The following WWOX variants were observed in gnomAD, a reference collection of about 807,000 sequenced individuals.
WWOX encodes WW domain-containing oxidoreductase.
WWOX carries 69 observed loss-of-function variants against 46.2 expected under a neutral mutation model. That is an observed-to-expected ratio of 1.49 (90% CI 1.23 to 1.82). The LOEUF is 1.82. WWOX is among the 40% of genes most tolerant of loss of function. WWOX has a pLI of 0.00. For synonymous variants in WWOX, 359 were observed against 202.6 expected, an observed-to-expected ratio of 1.77 and a Z score of -6.56; for missense variants, 919 against 542.6, an observed-to-expected ratio of 1.69 and a Z score of -6.89.
intron 5 of WWOX, among the ~76,000 whole-genome samples, chr16:78,314,300 G>A (rs996841117): frequency 6.6e-6 from 1 of 151,090 alleles, no homozygotes; most frequent in African/African-American, 2.4e-5. Flanking sequence ...CAGCTACTCG[G>A]GAGGCTGAGG....
At position 78,295,090 on chromosome 16, in the gene WWOX, G is replaced by T. The variant is rs545500411; in HGVS notation, c.517-91770G>T. On this transcript the variant is annotated intron_variant, in intron 5 of 8. Transcript: ENST00000566780. ...TGTGGGGCCGCTGTAGGAGGATGGT[G>T]GTTAAATCTTGGAGGAAATCCAGGA... 2.0e-5 allele frequency among the ~76,000 whole-genome samples: 3 copies of T among 152,234 alleles called. No individual in the cohort carries two copies. The South Asian group carries it at 6.2e-4, about 32-fold the overall frequency.
chr16:78,835,210 T>C (rs2051945917), intron 8 of WWOX, among the ~76,000 whole-genome samples: 1 of 152,190 alleles, frequency 6.6e-6, no homozygotes, highest in South Asian at 2.1e-4. Flanking sequence ...GTGGCCTTCT[T>C]ACCACCTAGA....
chr16:78,100,091 G>C, intron 1 of WWOX: 1 of 1,381,350 alleles, frequency 7.2e-7, no homozygotes, highest in Non-Finnish European at 9.4e-7. Context: ...GGGGTCACCT[G>C]GTGGCTTCCC....
At chr16:78,434,953 T>C (rs1229823343) in intron 8 of WWOX, among the ~76,000 whole-genome samples, 4 of 152,210 alleles carry the variant, frequency 2.6e-5, no homozygotes, top group African/African-American at 9.6e-5. Flanking sequence ...AACATTTTTA[T>C]TTATTGGAGA....
intron 8 of WWOX, among the ~76,000 whole-genome samples, chr16:79,187,396 T>TG (rs951572267): frequency 1.3e-5 from 2 of 152,208 alleles, no homozygotes; most frequent in African/African-American, 4.8e-5. Context: ...TCCTTTCACT[T>TG]GCTTTTGTTC....
intron 8 of WWOX, among the ~76,000 whole-genome samples, chr16:78,764,942 T>A (rs1252915207): frequency 6.6e-6 from 1 of 152,308 alleles, no homozygotes; most frequent in Admixed American, 6.5e-5. Flanking sequence ...CTTTAGGGCA[T>A]ACACATCTGC....
intron 8 of WWOX, among the ~76,000 whole-genome samples, chr16:78,643,306 A>G (rs2046764247): frequency 1.3e-5 from 2 of 152,202 alleles, no homozygotes; most frequent in Admixed American, 1.3e-4. Flanking sequence ...GGCTAACGAA[A>G]ACAACAAAAT....
chr16:78,334,818 A>ACGCG (rs1316674203), intron 5 of WWOX, among the ~76,000 whole-genome samples: 1 of 82,646 alleles, frequency 1.2e-5, no homozygotes, highest in Non-Finnish European at 2.7e-5. Flanking sequence ...GCACACACAC[A>ACGCG]CACACACACA....
intron 5 of WWOX, chr16:78,270,050 C>G (rs2079444814): frequency 6.6e-6 from 1 of 151,048 alleles, no homozygotes; most frequent in African/African-American, 2.4e-5. Context: ...TCATATCTAA[C>G]TTTTGATCTC....
intron 6 of WWOX, among the ~76,000 whole-genome samples, chr16:78,422,308 G>GT (rs1310906410): frequency 6.6e-6 from 1 of 151,632 alleles, no homozygotes; most frequent in Non-Finnish European, 1.5e-5. Flanking sequence ...GCATGCCAAT[G>GT]TTTGTTTTTT....
intron 8 of WWOX, among the ~76,000 whole-genome samples, chr16:79,071,281 C>G (rs1334483813): frequency 2.0e-5 from 3 of 152,208 alleles, no homozygotes; most frequent in African/African-American, 7.2e-5. Flanking sequence ...GACAACCTGA[C>G]AATGACTTTT....
chr16:78,479,241 C>G (rs905845128), intron 8 of WWOX, among the ~76,000 whole-genome samples: 2 of 152,150 alleles, frequency 1.3e-5, no homozygotes, highest in Non-Finnish European at 2.9e-5. Context: ...TACTATGTGT[C>G]TGGCACCACT....
intron 8 of WWOX, among the ~76,000 whole-genome samples, chr16:78,670,186 C>A (rs2047426413): frequency 6.6e-6 from 1 of 152,148 alleles, no homozygotes; most frequent in South Asian, 2.1e-4. Flanking sequence ...CTTTCACCAG[C>A]AGGTCCAGCT....
chr16:78,908,976 C>A (rs141734981), intron 8 of WWOX, among the ~76,000 whole-genome samples: 1 of 152,168 alleles, frequency 6.6e-6, no homozygotes, highest in Admixed American at 6.5e-5. Flanking sequence ...GTTAGTCCTG[C>A]AAAGGCAGTC....
At position 78,199,450 on chromosome 16, in the gene WWOX, C is replaced by A. The variant is rs9936487; in HGVS notation, c.516+35161C>A. On this transcript the variant is annotated intron_variant, in intron 5 of 8. Coordinates refer to ENST00000566780, the MANE Select transcript of WWOX (RefSeq NM_016373.4). ...CTAGGGCCATCTAGAAATTTCTAAC[C>A]CAAGGGTCAACTAATCTTTCCCTGT... is the stretch of plus-strand genomic sequence containing the variant. Among the ~76,000 whole-genome samples, 8 of 152,218 alleles carry A rather than the reference C, an allele frequency of 5.3e-5. No individual in the cohort carries two copies. The South Asian group carries it at 1.7e-3, about 32-fold the overall frequency.
intron 5 of WWOX, among the ~76,000 whole-genome samples, chr16:78,281,947 T>C (rs1398929845): frequency 6.6e-6 from 1 of 152,166 alleles, no homozygotes; most frequent in Non-Finnish European, 1.5e-5. Flanking sequence ...TCTCTCCAAA[T>C]GGGGCTGCCA....
chr16:79,118,046 C>G (rs928879256), intron 8 of WWOX, among the ~76,000 whole-genome samples: 4 of 152,224 alleles, frequency 2.6e-5, no homozygotes, highest in Non-Finnish European at 4.4e-5. Context: ...CACAACTTGC[C>G]TGTTTGGCAC....
intron 5 of WWOX, among the ~76,000 whole-genome samples, chr16:78,320,485 T>G (rs1360727567): frequency 1.3e-5 from 2 of 152,202 alleles, no homozygotes; most frequent in African/African-American, 4.8e-5. Flanking sequence ...TTTGGTTAAT[T>G]CATACTGATA....
intron 8 of WWOX, among the ~76,000 whole-genome samples, chr16:79,174,745 G>A (rs1175985545): frequency 6.6e-6 from 1 of 152,198 alleles, no homozygotes; most frequent in Non-Finnish European, 1.5e-5. Context: ...TTTAGAATAT[G>A]AGTGAGCAGT....
Sources: gnomAD v4.1 joint callset for allele counts (sites outside exome capture counted in the v4.1 genomes callset) on GRCh38, gnomAD v4.1.1 for gene constraint, MANE v1.5 for transcripts, NCBI Gene and HGNC (gene_info 2026-07-23, HGNC 2026-07-21) for gene names.